The following DDAH1 variants were observed in gnomAD, a reference collection of about 807,000 sequenced individuals.
The protein encoded by DDAH1 is dimethylarginine dimethylaminohydrolase 1.
Under a neutral mutation model 28.8 loss-of-function variants are expected in DDAH1, and 19 were observed. The observed-to-expected ratio is 0.66, with a 90% CI of 0.46 to 0.97. The LOEUF (loss-of-function observed/expected upper bound fraction) is 0.97. DDAH1 is among the 50% of genes least tolerant of loss of function. The pLI, the probability that DDAH1 is intolerant of heterozygous loss-of-function variation, is 0.00. For synonymous variants in DDAH1, 153 were observed against 154.4 expected, an observed-to-expected ratio of 0.99 and a Z score of 0.07; for missense variants, 326 against 375.9, an observed-to-expected ratio of 0.87 and a Z score of 1.10.
rs574903390 is a variant in DDAH1, at chr1:85,422,433, T to C, written c.303+42310A>G. Reference sequence around the variant, plus strand: ...AAGTGTAGATTATAAAATTTTTCTGTCATAAATCATACTTTTGGTGTTGTA... The same window carrying C: ...AAGTGTAGATTATAAAATTTTTCTGCCATAAATCATACTTTTGGTGTTGTA... On this transcript the variant is annotated intron_variant, in intron 1 of 5. Coordinates refer to ENST00000284031, the MANE Select transcript of DDAH1 (RefSeq NM_012137.4). 3.3e-5 allele frequency among the ~76,000 whole-genome samples: 5 copies of C among 152,162 alleles called. No individual in the cohort carries two copies. In the South Asian group the frequency reaches 6.2e-4, roughly 19 times the overall value.
At chr1:85,506,809 A>AT (rs1161044704) in intron 1 of DDAH1, among the ~76,000 whole-genome samples, 2 of 152,168 alleles carry the variant, frequency 1.3e-5, no homozygotes, top group Non-Finnish European at 2.9e-5. Context: ...GTGACAACTG[A>AT]TTTTTAGGAA....
intron 1 of DDAH1, among the ~76,000 whole-genome samples, chr1:85,566,691 T>C (rs1659314431): frequency 6.6e-6 from 1 of 152,140 alleles, no homozygotes; most frequent in Non-Finnish European, 1.5e-5. Flanking sequence ...GAACAAAGAA[T>C]ATTACTAGGG....
At chr1:85,461,890 T>C (rs551448549) in intron 1 of DDAH1, among the ~76,000 whole-genome samples, 5 of 152,194 alleles carry the variant, frequency 3.3e-5, no homozygotes, top group Non-Finnish European at 7.4e-5. Context: ...GATGTCTAAG[T>C]GGGACTAGAG....
intron 4 of DDAH1, among the ~76,000 whole-genome samples, chr1:85,345,886 G>A (rs548436984): frequency 6.6e-6 from 1 of 152,242 alleles, no homozygotes; most frequent in South Asian, 2.1e-4. Flanking sequence ...TGAATGAGTG[G>A]ATGAATGAAT....
chr1:85,415,100 C>T (rs575761764), intron 1 of DDAH1, among the ~76,000 whole-genome samples: 8 of 149,258 alleles, frequency 5.4e-5, no homozygotes, highest in South Asian at 2.1e-4. Context: ...CTGCAACCTC[C>T]GCCTCCCAAG....
chr1:85,503,125 A>G (rs994152490), intron 1 of DDAH1, among the ~76,000 whole-genome samples: 9 of 152,342 alleles, frequency 5.9e-5, no homozygotes, highest in Admixed American at 1.3e-4. Flanking sequence ...TAATTTAAAA[A>G]CAAACATTTT....
chr1:85,510,112 A>T (rs1245502548), intron 1 of DDAH1, among the ~76,000 whole-genome samples: 1 of 152,230 alleles, frequency 6.6e-6, no homozygotes, highest in Non-Finnish European at 1.5e-5. Flanking sequence ...AGGTCAAGTT[A>T]CCCACAAAGG....
intron 1 of DDAH1, among the ~76,000 whole-genome samples, chr1:85,429,261 C>T (rs967317624): frequency 2.6e-5 from 4 of 151,512 alleles, no homozygotes; most frequent in South Asian, 2.1e-4. Context: ...TGAGAACATG[C>T]AGTGTATGGT....
chr1:85,480,543 G>C (rs2100715736), intron 2 of DDAH1, among the ~76,000 whole-genome samples: 1 of 152,238 alleles, frequency 6.6e-6, no homozygotes, highest in Admixed American at 6.5e-5. Flanking sequence ...ACAGGAGTTT[G>C]AGATCAGCCT....
chr1:85,464,623 C>A lies in DDAH1; in HGVS notation c.303+120G>T. ...ACACACACACACACTCGCCCCCCGA[C>A]GGGAAGTTGTGAACTACTAGCCCGA... On this transcript the variant is annotated intron_variant, in intron 1 of 5. Transcript: ENST00000284031. The surrounding 1 kb of genome is among the most constrained non-coding windows in gnomAD (Gnocchi z 4.4). 6.6e-7 allele frequency: 1 copy of A among 1,513,856 alleles called. No homozygotes were observed. Among genetic ancestry groups the A allele is most frequent in the Non-Finnish European group, 8.8e-7 (1 of 1,134,034 alleles). The allele number at this position is 1,513,856 out of a possible 1,614,324, so 93.8% of individuals were successfully genotyped here.
chr1:85,347,880 A>C (rs931081080), intron 4 of DDAH1, among the ~76,000 whole-genome samples: 1 of 152,178 alleles, frequency 6.6e-6, no homozygotes, highest in Admixed American at 6.5e-5. Context: ...AGTTTCACCA[A>C]CCCATTTCGA....
At chr1:85,361,007 A>G (rs547102760) in intron 1 of DDAH1, among the ~76,000 whole-genome samples, 2 of 152,368 alleles carry the variant, frequency 1.3e-5, no homozygotes, top group Non-Finnish European at 2.9e-5. Context: ...AGTTAAGCAC[A>G]TGGACAAGAT....
chr1:85,564,325 A>C (rs557841736), intron 1 of DDAH1, among the ~76,000 whole-genome samples: 1 of 152,366 alleles, frequency 6.6e-6, no homozygotes, highest in East Asian at 1.9e-4. Flanking sequence ...AAAACAGGGA[A>C]AAAGACTAAA....
intron 1 of DDAH1, among the ~76,000 whole-genome samples, chr1:85,363,277 T>C (rs2100867653): frequency 6.6e-6 from 1 of 152,322 alleles, no homozygotes; most frequent in East Asian, 1.9e-4. Context: ...TTCAGCTGTT[T>C]CTGCTGCTAG....
At chr1:85,495,374 A>G (rs1656551583) in intron 2 of DDAH1, 1 of 152,184 alleles carries the variant, frequency 6.6e-6, no homozygotes, top group Non-Finnish European at 1.5e-5. Context: ...GAAGTTGGTG[A>G]TAGCATTTGT....
At chr1:85,339,167 G>GT (rs138624209) in intron 4 of DDAH1, among the ~76,000 whole-genome samples, 3,902 of 152,194 alleles carry the variant, frequency 0.026, 70 homozygotes, top group Non-Finnish European at 0.039. Context: ...TTGCCAGGGT[G>GT]TGGGTAAAAA....
At chr1:85,556,718 AT>A (rs1196860073) in intron 1 of DDAH1, among the ~76,000 whole-genome samples, 1 of 152,256 alleles carries the variant, frequency 6.6e-6, no homozygotes, top group African/African-American at 2.4e-5. Context: ...CCAACCACGT[AT>A]AACAAGAATC....
At position 85,410,361 on chromosome 1, in the gene DDAH1, C is replaced by T. The variant is rs563268978; in HGVS notation, c.304-51514G>A. Reference sequence around the variant, plus strand: ...CTTTTTGAGAAAAAGGAAATGAGGCCGGGCATGGTGGCCCATGCCTGTAAT... The same window carrying T: ...CTTTTTGAGAAAAAGGAAATGAGGCTGGGCATGGTGGCCCATGCCTGTAAT... On this transcript the variant is annotated intron_variant, in intron 1 of 5. Coordinates refer to ENST00000284031, the MANE Select transcript of DDAH1 (RefSeq NM_012137.4). Among the ~76,000 whole-genome samples the T allele has an allele frequency of 8.2e-4, 120 of 146,594 alleles. 1 individual carries two copies. In the Middle Eastern group the frequency reaches 0.013, roughly 16 times the overall value.
chr1:85,346,219 G>A (rs1256208513), intron 4 of DDAH1, among the ~76,000 whole-genome samples: 1 of 152,152 alleles, frequency 6.6e-6, no homozygotes, highest in Non-Finnish European at 1.5e-5. Context: ...AGCACAGGAA[G>A]GCACAATTCA....
Sources: allele counts gnomAD v4.1 joint callset (sites outside exome capture counted in the v4.1 genomes callset), GRCh38; gene constraint gnomAD v4.1.1; non-coding constraint Gnocchi (gnomAD v3.1); transcripts MANE v1.5; gene names NCBI Gene and HGNC (gene_info 2026-07-23, HGNC 2026-07-21).